CNTN5: variants seen among roughly 807,000 people sequenced by gnomAD.
CNTN5 encodes the protein contactin-5.
Under a neutral mutation model 129.1 loss-of-function variants are expected in CNTN5, and 77 were observed. That is an observed-to-expected ratio of 0.60 (90% confidence interval 0.50 to 0.72). The LOEUF (loss-of-function observed/expected upper bound fraction) is 0.72. Ranked by LOEUF, CNTN5 falls within the 30% of genes least tolerant of loss-of-function variation. CNTN5 has a pLI of 0.00. For missense variants in CNTN5, 1,478 were observed against 1,328.8 expected (o/e 1.11, Z -1.75); for synonymous variants, 509 against 465.6 (o/e 1.09, Z -1.20).
intron 9 of CNTN5, among the ~76,000 whole-genome samples, chr11:100,036,174 C>G (rs1941989021): frequency 6.6e-6 from 1 of 152,204 alleles, no homozygotes; most frequent in East Asian, 1.9e-4. Flanking sequence ...CCAGTTTCAG[C>G]TTTCTACATA....
At chr11:99,905,737 G>T (rs540550005) in intron 6 of CNTN5, among the ~76,000 whole-genome samples, 2 of 152,222 alleles carry the variant, frequency 1.3e-5, no homozygotes, top group South Asian at 4.2e-4. Flanking sequence ...GGGCACTATG[G>T]CCATTTTCAT....
intron 13 of CNTN5, among the ~76,000 whole-genome samples, chr11:100,131,346 T>C (rs1263247946): frequency 2.6e-5 from 4 of 152,162 alleles, no homozygotes; most frequent in African/African-American, 7.2e-5. Context: ...GGATTTGATA[T>C]GGAGTGTGAG....
At chr11:99,096,702 A>C (rs983966425) in intron 1 of CNTN5, among the ~76,000 whole-genome samples, 2 of 151,844 alleles carry the variant, frequency 1.3e-5, no homozygotes, top group Admixed American at 1.3e-4. Flanking sequence ...GGCTATTATT[A>C]GACTTTCTTT....
At chr11:99,875,044 T>C (rs772830070) in intron 6 of CNTN5, among the ~76,000 whole-genome samples, 1 of 152,188 alleles carries the variant, frequency 6.6e-6, no homozygotes, top group Non-Finnish European at 1.5e-5. Context: ...GAGGTGCTCA[T>C]TGCTGTAGCG....
At chr11:99,741,622 C>G (rs1350648395) in intron 3 of CNTN5, among the ~76,000 whole-genome samples, 1 of 152,068 alleles carries the variant, frequency 6.6e-6, no homozygotes, top group Admixed American at 6.6e-5. Context: ...ATGAAGTTAA[C>G]CACTAGGAGA....
At chr11:99,575,976 C>A (rs1247540274) in intron 3 of CNTN5, among the ~76,000 whole-genome samples, 2 of 152,188 alleles carry the variant, frequency 1.3e-5, no homozygotes, top group Admixed American at 6.5e-5. Context: ...AACTACCACA[C>A]AGAGGGCCCC....
intron 16 of CNTN5, among the ~76,000 whole-genome samples, chr11:100,242,802 A>G (rs1949769924): frequency 6.6e-6 from 1 of 152,236 alleles, no homozygotes; most frequent in African/African-American, 2.4e-5. Context: ...AAATGAATGA[A>G]TATGTAACCC....
intron 7 of CNTN5, among the ~76,000 whole-genome samples, chr11:99,937,353 G>A (rs1950337679): frequency 6.6e-6 from 1 of 152,188 alleles, no homozygotes; most frequent in African/African-American, 2.4e-5. Context: ...TTGCAAAAAG[G>A]CATGAAGCTA....
intron 1 of CNTN5, among the ~76,000 whole-genome samples, chr11:99,041,271 C>A (rs1471656032): frequency 6.6e-6 from 1 of 152,122 alleles, no homozygotes; most frequent in Non-Finnish European, 1.5e-5. Context: ...CTCCTCAAGG[C>A]CTCTATCCTT....
intron 4 of CNTN5, among the ~76,000 whole-genome samples, chr11:99,825,010 G>A (rs999130772): frequency 3.3e-5 from 5 of 151,932 alleles, no homozygotes; most frequent in Non-Finnish European, 5.9e-5. Context: ...TTGGTATATA[G>A]AGCCCTATCA....
intron 16 of CNTN5, among the ~76,000 whole-genome samples, chr11:100,234,898 T>C (rs1346292193): frequency 6.6e-6 from 1 of 151,724 alleles, no homozygotes; most frequent in African/African-American, 2.4e-5. Context: ...CTCTTCTCAT[T>C]CTCTCATTTT....
At chr11:100,144,148 T>C (rs545421679) in intron 13 of CNTN5, among the ~76,000 whole-genome samples, 1 of 152,314 alleles carries the variant, frequency 6.6e-6, no homozygotes, top group South Asian at 2.1e-4. Flanking sequence ...CCATGTTTCA[T>C]AAACCAATTC....
At chr11:99,713,207 T>G (rs1955073707) in intron 3 of CNTN5, among the ~76,000 whole-genome samples, 1 of 152,110 alleles carries the variant, frequency 6.6e-6, no homozygotes, top group Non-Finnish European at 1.5e-5. Context: ...TCACATCCCT[T>G]GTAAGTCGGA....
At chr11:99,557,774 A>C (rs1047129378) in intron 3 of CNTN5, among the ~76,000 whole-genome samples, 4 of 151,692 alleles carry the variant, frequency 2.6e-5, no homozygotes, top group African/African-American at 9.7e-5. Context: ...ACATTATTTG[A>C]AATCTAAAAG....
intron 3 of CNTN5, among the ~76,000 whole-genome samples, chr11:99,673,769 A>G (rs1953151514): frequency 6.6e-6 from 1 of 152,110 alleles, no homozygotes; most frequent in Non-Finnish European, 1.5e-5. Flanking sequence ...CTGCAGAAAA[A>G]AAAAAAAGAT....
intron 2 of CNTN5, among the ~76,000 whole-genome samples, chr11:99,515,811 G>GAT (rs1947026530): frequency 1.3e-5 from 2 of 151,830 alleles, no homozygotes; most frequent in Admixed American, 1.3e-4. Flanking sequence ...TAAGTTAGCT[G>GAT]ATATATAGTA....
intron 3 of CNTN5, among the ~76,000 whole-genome samples, chr11:99,626,192 A>G (rs926610103): frequency 5.3e-5 from 8 of 152,006 alleles, no homozygotes; most frequent in Non-Finnish European, 7.4e-5. Flanking sequence ...GCCCGGCTCT[A>G]TGGATGGGGA....
intron 6 of CNTN5, among the ~76,000 whole-genome samples, chr11:99,863,779 A>G (rs1368407515): frequency 6.6e-6 from 1 of 152,178 alleles, no homozygotes; most frequent in African/African-American, 2.4e-5. Context: ...GCGTTTTCCT[A>G]CTTTCACAGT....
intron 7 of CNTN5, among the ~76,000 whole-genome samples, chr11:99,953,003 A>G (rs1170413076): frequency 6.6e-6 from 1 of 152,202 alleles, no homozygotes; most frequent in African/African-American, 2.4e-5. Flanking sequence ...TTTGACCCAA[A>G]GCCTCTGATG....
Sources: gnomAD v4.1 joint callset for allele counts (sites outside exome capture counted in the v4.1 genomes callset) on GRCh38, gnomAD v4.1.1 for gene constraint, MANE v1.5 for transcripts, NCBI Gene and HGNC (gene_info 2026-07-23, HGNC 2026-07-21) for gene names.